OAS3: variants seen among roughly 807,000 people sequenced by gnomAD.
OAS3 encodes the protein 2'-5'-oligoadenylate synthetase 3.
In OAS3, 107 loss-of-function variants were observed where a neutral mutation model predicts 113.0. The ratio of observed to expected loss-of-function variants is 0.95; its 90% confidence interval spans 0.81 to 1.11. The LOEUF (loss-of-function observed/expected upper bound fraction) is 1.11, where lower values mean the gene tolerates loss of function less well. OAS3 is among the 50% of genes most tolerant of loss of function. OAS3 has a pLI of 0.00. For synonymous variants in OAS3, 552 were observed against 573.6 expected (o/e 0.96, Z 0.54); for missense variants, 1,258 against 1,389.1 (o/e 0.91, Z 1.50).
At position 112,965,734 on chromosome 12, in the gene OAS3, TC is replaced by T. The variant is rs746112755; in HGVS notation, c.2404-8del. On this transcript the variant is annotated splice_polypyrimidine_tract_variant and intron_variant, in intron 11 of 15. Transcript: ENST00000228928. ...TTCAAGGGTTGAGCCACCTGCCATG[TC>T]CTCTCCAGGGTGGCTCTTCAGCCAA... 1 of 1,603,332 alleles carries T rather than the reference TC, an allele frequency of 6.2e-7. No individual in the cohort carries two copies.
chr12:112,961,174 G>C lies in OAS3; in HGVS notation c.1761G>C (p.Arg587=), dbSNP rs1488513188. The change falls in exon 8 of 16, where the codon CGG becomes CGC. Residue 587 remains arginine, a synonymous_variant. Transcript: ENST00000228928. ...GEHKACFAEL[R]RNFMNIRPVK... is the part of the protein sequence containing the mutation. ...ATAAGGCCTGCTTCGCAGAGCTGCG[G>C]AGGAACTTCATGAACATTCGCCCTG... The C allele has an allele frequency of 1.2e-6, 2 of 1,613,898 alleles. No individual in the cohort carries two copies. The highest frequency in any genetic ancestry group is 1.3e-5 in the African/African-American group (1 of 74,934).
chr12:112,962,734 C>T lies in OAS3; in HGVS notation c.1916C>T (p.Ala639Val). The change falls in exon 9 of 16, where the codon GCC (alanine) becomes GTC (valine). Residue 639 changes from alanine to valine, a missense_variant. Transcript: ENST00000228928. ...AYALELLTIFAWEQGCRQDCF... is the reference protein window; with the variant it reads ...AYALELLTIFVWEQGCRQDCF... ...GCCCTGGAGCTCCTCACCATCTTTG[C>T]CTGGGAGCAGGGCTGCAGGCAGGAT... is the stretch of plus-strand genomic sequence containing the variant. 4 of 1,614,010 alleles carry T rather than the reference C, an allele frequency of 2.5e-6. No individual in the cohort carries two copies. The highest frequency in any genetic ancestry group is 3.4e-6 in the Non-Finnish European group (4 of 1,179,894).
intron 7 of OAS3, among the ~76,000 whole-genome samples, chr12:112,957,085 T>A (rs1276329540): frequency 1.3e-5 from 2 of 152,240 alleles, no homozygotes; most frequent in African/African-American, 4.8e-5. Context: ...CCTTTACCAT[T>A]ATGTAATGGC....
intron 2 of OAS3, chr12:112,942,370 G>A (rs1168781720): frequency 5.8e-6 from 1 of 173,678 alleles, no homozygotes; most frequent in East Asian, 1.5e-4. Context: ...ATCTTATAGA[G>A]TTGTCAGAAG....
At chr12:112,961,563 T>A (rs1226768321) in intron 8 of OAS3, among the ~76,000 whole-genome samples, 1 of 152,182 alleles carries the variant, frequency 6.6e-6, no homozygotes, top group Non-Finnish European at 1.5e-5. Context: ...CTTATGATAT[T>A]ACCCCCACCA....
chr12:112,960,338 T>C (rs974113388), intron 7 of OAS3, among the ~76,000 whole-genome samples: 4 of 152,206 alleles, frequency 2.6e-5, no homozygotes, highest in Middle Eastern at 3.4e-3. Flanking sequence ...GATTTTCTTT[T>C]TTCCCCCACC....
chr12:112,949,225 A>G lies in OAS3; in HGVS notation c.1374+20A>G, dbSNP rs767646800. The G allele has an allele frequency of 3.2e-6, 5 of 1,545,272 alleles. No homozygotes were observed. Among genetic ancestry groups the G allele is most frequent in the Middle Eastern group, 1.7e-4 (1 of 5,976 alleles). ...AGTAAAGTGAGTTGGGCCAGTGGAG[A>G]CACAGGGGGGACCCTATCGAGGGAT... On this transcript the variant is annotated intron_variant, in intron 6 of 15. Coordinates refer to ENST00000228928, the MANE Select transcript of OAS3 (RefSeq NM_006187.4).
rs2043927582 is a variant in OAS3, at chr12:112,965,809, C to T, written c.2469C>T (p.Leu823=). 6.2e-7 allele frequency: 1 copy of T among 1,613,866 alleles called. No homozygotes were observed. The change falls in exon 12 of 16, where the codon CTC becomes CTT. Residue 823 remains leucine (L), a synonymous_variant. Transcript: ENST00000228928. ...GRSDADLVVF[L]SCFSQFTEQG... ...CAGATGCCGACCTCGTGGTGTTCCT[C>T]AGCTGCTTCAGCCAGTTCACTGAGC...
chr12:112,969,866 G>T, intron 15 of OAS3, 96 bp from the exon 16 acceptor site: 1 of 1,584,966 alleles, frequency 6.3e-7, no homozygotes, highest in Middle Eastern at 2.0e-4. Flanking sequence ...ATGGCCCCAG[G>T]TATGCCCCTG....
In OAS3 at chr12:112,967,549, A is replaced by G; in HGVS notation, c.2821A>G (p.Lys941Glu). The part of the protein sequence containing the change: ...QRDFIISRPT[K>E]LKSLIRLVKH... ...GGACTTCATCATCTCTCGCCCTACC[A>G]AGCTGAAGAGCCTGATCCGGCTGGT... Residue 941 changes from lysine (K) to glutamate (E), a missense_variant, in exon 13 of 16, where the codon AAG becomes GAG. Transcript: ENST00000228928. The G allele has an allele frequency of 6.2e-7, 1 of 1,613,870 alleles. No homozygotes were observed. The highest frequency in any genetic ancestry group is 8.5e-7 in the Non-Finnish European group (1 of 1,179,862).
chr12:112,949,906 C>G (rs569400183), intron 6 of OAS3, among the ~76,000 whole-genome samples: 1 of 152,206 alleles, frequency 6.6e-6, no homozygotes, highest in Admixed American at 6.5e-5. Context: ...GTAATCCCAG[C>G]TATGCAGGAG....
chr12:112,954,544 C>T lies in OAS3; in HGVS notation c.1657+3569C>T, dbSNP rs1360536792. On this transcript the variant is annotated intron_variant, in intron 7 of 15. Transcript: ENST00000228928. The surrounding 1 kb of genome is among the most constrained non-coding windows in gnomAD (Gnocchi z 4.0). ...ATCTCCCGACCTCGTGATCCACCCA[C>T]CTCGGCCTCCCAAAGTGCTGGGATT... 1.3e-5 allele frequency among the ~76,000 whole-genome samples: 2 copies of T among 152,216 alleles called. No individual in the cohort carries two copies. Among genetic ancestry groups the T allele is most frequent in the Non-Finnish European group, 2.9e-5 (2 of 68,040 alleles).
In OAS3 at chr12:112,944,955, C is replaced by A. The variant is rs572165300; in HGVS notation, c.636+304C>A. ...GGTTATTTGTAGGACAAAATATCTACAGTTTAATGTACTCAGATATATCCT... is the reference window on the plus strand; with the variant it reads ...GGTTATTTGTAGGACAAAATATCTAAAGTTTAATGTACTCAGATATATCCT... On this transcript the variant is annotated intron_variant, in intron 3 of 15. Transcript: ENST00000228928. 9.0e-4 allele frequency: 369 copies of A among 408,620 alleles called. 5 individuals are homozygous for A. The highest frequency in any genetic ancestry group is 6.8e-3 in the South Asian group (317 of 46,466). 25.3% of individuals were successfully genotyped at this position (408,620 alleles called of 1,614,324 possible).
chr12:112,938,635 C>G lies in OAS3; in HGVS notation c.105C>G (p.Ala35=). The G allele has an allele frequency of 2.5e-6, 4 of 1,606,382 alleles. No individual in the cohort carries two copies. Among genetic ancestry groups the G allele is most frequent in the Non-Finnish European group, 3.4e-6 (4 of 1,177,490 alleles). The change falls in exon 1 of 16, where the codon GCC becomes GCG. Residue 35 remains alanine, a synonymous_variant. Transcript: ENST00000228928. Reference sequence around the variant, plus strand: ...AGAAGGCGCGGCGCGCTCTGGGCGCCCTGGCCGCTGCCCTGAGGGAGCGCG... The same window carrying G: ...AGAAGGCGCGGCGCGCTCTGGGCGCGCTGGCCGCTGCCCTGAGGGAGCGCG... ...FVEKARRALG[A]LAAALRERGG...
intron 7 of OAS3, among the ~76,000 whole-genome samples, chr12:112,958,231 A>C (rs533684231): frequency 6.6e-6 from 1 of 152,298 alleles, no homozygotes; most frequent in African/African-American, 2.4e-5. Flanking sequence ...CTAGTTAGCC[A>C]TTCGTTTAAT....
At chr12:112,953,371 T>G (rs531168730) in intron 7 of OAS3, among the ~76,000 whole-genome samples, 76 of 152,376 alleles carry the variant, frequency 5.0e-4, no homozygotes, top group Middle Eastern at 3.4e-3. Context: ...CCACATTTTC[T>G]TAATCCAGTC....
chr12:112,948,503 A>AG (rs71445584), intron 5 of OAS3, among the ~76,000 whole-genome samples: 2 of 14,482 alleles, frequency 1.4e-4, no homozygotes, highest in East Asian at 0.012. Context: ...ACTCCGTCCC[A>AG]AAAAAAAAAA....
intron 14 of OAS3, 23 bp from the exon 15 acceptor site, chr12:112,969,585 C>A (rs1457778150): frequency 1.3e-6 from 2 of 1,585,422 alleles, no homozygotes; most frequent in East Asian, 2.3e-5. Flanking sequence ...AGGAATAAGA[C>A]TGTCCCTGGG....
chr12:112,949,238 C>T, intron 6 of OAS3, 33 bp downstream of exon 6: 2 of 1,574,158 alleles, frequency 1.3e-6, no homozygotes, highest in Non-Finnish European at 1.7e-6. Flanking sequence ...CAGGGGGGAC[C>T]CTATCGAGGG....
Sources: allele counts gnomAD v4.1 joint callset (sites outside exome capture counted in the v4.1 genomes callset), GRCh38; gene constraint gnomAD v4.1.1; non-coding constraint Gnocchi (gnomAD v3.1); transcripts MANE v1.5; gene names NCBI Gene and HGNC (gene_info 2026-07-23, HGNC 2026-07-21).